ANKRD12: variants seen among roughly 807,000 people sequenced by gnomAD.
ANKRD12 encodes ankyrin repeat domain 12.
A neutral mutation model predicts 183.4 loss-of-function variants in ANKRD12; 85 were observed. The observed-to-expected ratio is 0.46, with a 90% CI of 0.39 to 0.56. The LOEUF is 0.56. Ranked by LOEUF, ANKRD12 falls within the 20% of genes least tolerant of loss-of-function variation. The pLI is 0.00. For missense variants in ANKRD12, 2,405 were observed against 2,357.1 expected (o/e 1.02, Z -0.42); for synonymous variants, 914 against 800.2 (o/e 1.14, Z -2.40).
intron 11 of ANKRD12, among the ~76,000 whole-genome samples, chr18:9,276,834 A>G (rs1038838065): frequency 3.3e-5 from 5 of 152,216 alleles, no homozygotes; most frequent in Non-Finnish European, 7.4e-5. Flanking sequence ...CTGTGTGACT[A>G]AAGAAATAGG....
chr18:9,173,504 C>A (rs1402811687), intron 1 of ANKRD12, among the ~76,000 whole-genome samples: 1 of 151,364 alleles, frequency 6.6e-6, no homozygotes, highest in Non-Finnish European at 1.5e-5. Flanking sequence ...TGCTGCAGAC[C>A]CTAGTTGTCT....
rs762866981 is a variant in ANKRD12 at position 9,257,620 on chromosome 18, T to C, written c.4353T>C (p.Phe1451=). 10 of 1,614,022 alleles carry C rather than the reference T, an allele frequency of 6.2e-6. No individual in the cohort carries two copies. Among genetic ancestry groups the C allele is most frequent in the Admixed American group, 1.7e-5 (1 of 59,994 alleles). The change falls in exon 9 of 13, where the codon TTT becomes TTC. Residue 1451 remains phenylalanine, a synonymous_variant. Coordinates refer to ENST00000262126, the MANE Select transcript of ANKRD12 (RefSeq NM_015208.5). The part of the protein sequence containing the change: ...IPDQESSLQS[F]CNSENKVLKE... Reference sequence around the variant, plus strand: ...ATCAAGAATCCTCTCTTCAGAGTTTTTGTAATTCTGAAAATAAGGTATTGA... The same window carrying C: ...ATCAAGAATCCTCTCTTCAGAGTTTCTGTAATTCTGAAAATAAGGTATTGA...
rs780466529 is a variant in ANKRD12, at chr18:9,258,552, G to C, written c.5285G>C (p.Ser1762Thr). 3 of 1,613,634 alleles carry C rather than the reference G, an allele frequency of 1.9e-6. No individual in the cohort carries two copies. Among genetic ancestry groups the C allele is most frequent in the African/African-American group, 1.3e-5 (1 of 74,910 alleles). ...TGTACACTATTATCAGAAAAAGACA[G>C]TGAATCCTCATCTCCTAGAGGAAGA... Reference protein sequence around the residue: ...ASCTLLSEKDSESSSPRGRIR... With the variant: ...ASCTLLSEKDTESSSPRGRIR... Residue 1762 changes from serine to threonine, a missense_variant, in exon 9 of 13, where the codon AGT (serine) becomes ACT (threonine). Physicochemically the swap from Ser to Thr is moderately conservative, Grantham distance 58. Coordinates refer to ENST00000262126, the MANE Select transcript of ANKRD12 (RefSeq NM_015208.5).
chr18:9,212,884 A>G (rs1390655023), intron 6 of ANKRD12, among the ~76,000 whole-genome samples: 2 of 151,872 alleles, frequency 1.3e-5, no homozygotes, highest in Non-Finnish European at 3.0e-5. Context: ...ACTTATGTGT[A>G]TTTTATGAAT....
intron 6 of ANKRD12, among the ~76,000 whole-genome samples, chr18:9,215,981 C>T (rs1222023907): frequency 1.3e-5 from 2 of 150,126 alleles, no homozygotes; most frequent in African/African-American, 4.9e-5. Flanking sequence ...ACAGATTGAC[C>T]TTAGAGGGTT....
chr18:9,252,684 G>A (rs1344503170), intron 8 of ANKRD12, among the ~76,000 whole-genome samples: 1 of 152,200 alleles, frequency 6.6e-6, no homozygotes, highest in African/African-American at 2.4e-5. Flanking sequence ...AGGGCTGGGT[G>A]CTGGGTACAG....
chr18:9,183,728 C>G (rs1229808448), intron 2 of ANKRD12, among the ~76,000 whole-genome samples: 1 of 151,880 alleles, frequency 6.6e-6, no homozygotes, highest in Non-Finnish European at 1.5e-5. Context: ...TACTTCTCGC[C>G]CCCCTTTTTT....
chr18:9,255,268 AGAAATT>A lies in ANKRD12; in HGVS notation c.2005_2010del (p.Ile669_Glu670del), dbSNP rs1378452679. On this transcript the variant is annotated inframe_deletion, in exon 9 of 13. Coordinates refer to ENST00000262126, the MANE Select transcript of ANKRD12 (RefSeq NM_015208.5). Reference sequence around the variant, plus strand: ...AGAGGGAAAAAGAAAAGCATAAAAAAGAAATTGAAGGTGAAAAGGAAAAATACAAAA... The same window carrying A: ...AGAGGGAAAAAGAAAAGCATAAAAAAGAAGGTGAAAAGGAAAAATACAAAA... 2 of 1,573,130 alleles carry A rather than the reference AGAAATT, an allele frequency of 1.3e-6. No individual in the cohort carries two copies. Among genetic ancestry groups the A allele is most frequent in the South Asian group, 1.2e-5 (1 of 83,002 alleles).
intron 1 of ANKRD12, among the ~76,000 whole-genome samples, chr18:9,151,211 C>T (rs79106963): frequency 0.01 from 1,573 of 152,192 alleles, 22 homozygotes; most frequent in African/African-American, 0.036. Flanking sequence ...GAGGCTTTTT[C>T]CAGTATTTTT....
At chr18:9,184,902 C>A (rs56865352) in intron 2 of ANKRD12, among the ~76,000 whole-genome samples, 8 of 151,916 alleles carry the variant, frequency 5.3e-5, no homozygotes, top group Non-Finnish European at 1.2e-4. Flanking sequence ...GTTGATCTCA[C>A]GGACTATAAT....
intron 1 of ANKRD12, among the ~76,000 whole-genome samples, chr18:9,170,810 T>C (rs1174999981): frequency 1.3e-5 from 2 of 152,178 alleles, no homozygotes; most frequent in African/African-American, 4.8e-5. Context: ...GTTTTTCTGC[T>C]CTGTTTTTTT....
chr18:9,182,184 G>T (rs375147297), intron 1 of ANKRD12, among the ~76,000 whole-genome samples, 198 bp from the exon 2 acceptor site: 1 of 152,138 alleles, frequency 6.6e-6, no homozygotes, highest in Non-Finnish European at 1.5e-5. Context: ...AATACAGGAA[G>T]AAATTTATTA....
At chr18:9,211,434 T>C in intron 5 of ANKRD12, 150 bp from the exon 6 acceptor site, 1 of 660,224 alleles carries the variant, frequency 1.5e-6, no homozygotes, top group South Asian at 2.1e-5. Context: ...TTTGGGTCAT[T>C]AACGGATCAT....
At chr18:9,168,036 G>A (rs1009654780) in intron 1 of ANKRD12, among the ~76,000 whole-genome samples, 9 of 152,182 alleles carry the variant, frequency 5.9e-5, no homozygotes, top group Non-Finnish European at 1.0e-4. Context: ...ATTTGCATAT[G>A]TTGAACCAGC....
chr18:9,167,208 T>G (rs943246565), intron 1 of ANKRD12, among the ~76,000 whole-genome samples: 1 of 152,210 alleles, frequency 6.6e-6, no homozygotes, highest in Admixed American at 6.5e-5. Flanking sequence ...GGGCTCTTTT[T>G]TGGTTCCATA....
intron 8 of ANKRD12, among the ~76,000 whole-genome samples, chr18:9,238,413 T>G (rs1242597010): frequency 6.6e-6 from 1 of 152,210 alleles, no homozygotes; most frequent in Non-Finnish European, 1.5e-5. Flanking sequence ...TTGGCTGTTC[T>G]CTGAATATTT....
chr18:9,247,313 C>CAAAA (rs1401593209), intron 8 of ANKRD12, among the ~76,000 whole-genome samples: 1 of 118,530 alleles, frequency 8.4e-6, no homozygotes, highest in Admixed American at 8.7e-5. Flanking sequence ...TCATCTCTAC[C>CAAAA]AAAAAAAAAA....
At chr18:9,234,951 C>T (rs936594392) in intron 8 of ANKRD12, among the ~76,000 whole-genome samples, 1 of 152,178 alleles carries the variant, frequency 6.6e-6, no homozygotes, top group Non-Finnish European at 1.5e-5. Context: ...GCCAGCAGAT[C>T]TCAGACAAGT....
At position 9,151,775 on chromosome 18, in the gene ANKRD12, C is replaced by T. The variant is rs2078693647; in HGVS notation, c.-52+14810C>T. 4.6e-5 allele frequency among the ~76,000 whole-genome samples: 7 copies of T among 152,188 alleles called. No individual in the cohort carries two copies. In the South Asian group the frequency reaches 1.4e-3, roughly 31 times the overall value. On this transcript the variant is annotated intron_variant, in intron 1 of 12. Transcript: ENST00000262126. ...GAACTTGCATTCCTTGCTCAGAGTT[C>T]TCTCTTTACTTTCTCTAGATAGAAT...
Sources: allele counts gnomAD v4.1 joint callset (sites outside exome capture counted in the v4.1 genomes callset), GRCh38; gene constraint gnomAD v4.1.1; transcripts MANE v1.5; gene names NCBI Gene and HGNC (gene_info 2026-07-23, HGNC 2026-07-21).